Variants in CHD7 observed in about 807,000 individuals in gnomAD.
The protein encoded by CHD7 is chromodomain helicase DNA binding protein 7, also known as ATP-dependent chromatin remodeler CHD7.
CHD7 carries 24 observed loss-of-function variants against 307.3 expected under a neutral mutation model. That is an observed-to-expected ratio of 0.08 (90% CI 0.06 to 0.11). The LOEUF is 0.11. Ranked by LOEUF, CHD7 falls within the 10% of genes least tolerant of loss-of-function variation. The pLI is 1.00. For missense variants in CHD7, 3,106 were observed against 3,727.1 expected, an observed-to-expected ratio of 0.83 and a Z score of 4.34; for synonymous variants, 1,363 against 1,349.9, an observed-to-expected ratio of 1.01 and a Z score of -0.21.
intron 13 of CHD7, among the ~76,000 whole-genome samples, chr8:60,827,433 C>G (rs1804304549): frequency 6.6e-6 from 1 of 152,020 alleles, no homozygotes; most frequent in Non-Finnish European, 1.5e-5. Context: ...ACTGCAGTAA[C>G]TCTTTCCTGA....
Position 60,781,196 on chromosome 8 carries a change from C to T in CHD7, c.1862C>T (p.Pro621Leu), listed in dbSNP as rs1229088933. The T allele has an allele frequency of 6.2e-7, 1 of 1,602,384 alleles. No individual in the cohort carries two copies. The highest frequency in any genetic ancestry group is 1.1e-5 in the South Asian group (1 of 88,848). ...PSKGFGKDDF[P>L]GGVDNQELNR... ...AAAGGTTTTGGTAAAGATGACTTCC[C>T]TGGTGGGGTAGATAACCAAGAACTA... The change falls in exon 3 of 38, where the codon CCT (proline) becomes CTT (leucine). Residue 621 changes from proline (P) to leucine (L), a missense_variant. Pro to Leu is a moderately conservative substitution (Grantham distance 98). Coordinates refer to ENST00000423902, the MANE Select transcript of CHD7 (RefSeq NM_017780.4).
rs147477459 is a variant in CHD7, at chr8:60,811,728, CAT to C, written c.2498+3457_2498+3458del. ...GAGTTTACTAGATACAAAAGGCAAA[CAT>C]GTATGTATTTTTAAGAGATATTGCC... On this transcript the variant is annotated intron_variant, in intron 7 of 37. Coordinates refer to ENST00000423902, the MANE Select transcript of CHD7 (RefSeq NM_017780.4). Among the ~76,000 whole-genome samples, 1,173 of 152,218 alleles carry C rather than the reference CAT, an allele frequency of 7.7e-3. 13 individuals carry two copies. Among genetic ancestry groups the C allele is most frequent in the African/African-American group, 0.027 (1,113 of 41,516 alleles).
intron 2 of CHD7, among the ~76,000 whole-genome samples, chr8:60,770,390 G>A (rs1371322486): frequency 2.6e-5 from 4 of 152,168 alleles, no homozygotes; most frequent in Admixed American, 2.6e-4. Context: ...CAACACTGCT[G>A]TTTGTTTATT....
At chr8:60,695,512 T>C (rs564621688) in intron 1 of CHD7, among the ~76,000 whole-genome samples, 8 of 152,364 alleles carry the variant, frequency 5.3e-5, no homozygotes, top group African/African-American at 1.4e-4. Context: ...CATCTTAGCA[T>C]ACTTGACCTT....
intron 7 of CHD7, among the ~76,000 whole-genome samples, chr8:60,812,589 G>A (rs191615138): frequency 4.0e-5 from 6 of 151,046 alleles, no homozygotes; most frequent in East Asian, 3.9e-4. Context: ...GCTTGAACCC[G>A]GGAGGCAGAG....
intron 32 of CHD7, among the ~76,000 whole-genome samples, chr8:60,855,726 G>T (rs192096433): frequency 2.6e-5 from 4 of 152,324 alleles, no homozygotes; most frequent in Admixed American, 2.6e-4. Flanking sequence ...GTAGTTCAGT[G>T]TTCGTAATTA....
At position 60,837,018 on chromosome 8, in the gene CHD7, T is replaced by G; in HGVS notation, c.4185+6T>G. The G allele has an allele frequency of 1.9e-6, 3 of 1,603,194 alleles. No homozygotes were observed. Among genetic ancestry groups the G allele is most frequent in the Non-Finnish European group, 2.6e-6 (3 of 1,172,518 alleles). On this transcript the variant is annotated splice_donor_region_variant and intron_variant, in intron 17 of 37. Transcript: ENST00000423902. ...ATCCCCAAAATGACCTCCAGGTAAA[T>G]GCACAAGAAAGTCCTGATGCCTTTA...
rs1563560944 is a variant in CHD7 at position 60,742,336 on chromosome 8, CCTA to C, written c.908_910del (p.Thr303del). ...TTCTCGGAGCCAGACAGTCCCCTCT[CCTA>C]CTATAAACAACTCAGGGCAGTATTC... is the stretch of plus-strand genomic sequence containing the variant. On this transcript the variant is annotated inframe_deletion, in exon 2 of 38. Coordinates refer to ENST00000423902, the MANE Select transcript of CHD7 (RefSeq NM_017780.4). 4 of 1,613,992 alleles carry C rather than the reference CCTA, an allele frequency of 2.5e-6. No homozygotes were observed. In the South Asian group the frequency reaches 4.4e-5, roughly 18 times the overall value.
chr8:60,787,992 T>C (rs1043106537), intron 3 of CHD7, among the ~76,000 whole-genome samples: 1 of 152,006 alleles, frequency 6.6e-6, no homozygotes, highest in African/African-American at 2.4e-5. Context: ...CTGCTAATTT[T>C]TGTGTTTTTA....
chr8:60,860,189 T>C (rs1006107983), intron 34 of CHD7, among the ~76,000 whole-genome samples: 1 of 152,204 alleles, frequency 6.6e-6, no homozygotes, highest in East Asian at 1.9e-4. Context: ...TGCCCATAAG[T>C]TACATATAGA....
At position 60,861,073 on chromosome 8, in the gene CHD7, A is replaced by G; in HGVS notation, c.7778A>G (p.Glu2593Gly). Residue 2593 changes from glutamate to glycine, a missense_variant, in exon 35 of 38, where the codon GAA becomes GGA. Around this residue, in one of 10 missense-constraint regions of CHD7, gnomAD observed 1,030 missense variants for 1,165.4 expected, o/e 0.88. Transcript: ENST00000423902. ...GCTCCTAAAAATAAGGATTTAGTTG[A>G]ATGGCTGAAGCTGCACCCTACTTAC... ...EDAPKNKDLV[E>G]WLKLHPTYTV... 6.2e-7 allele frequency: 1 copy of G among 1,612,528 alleles called. No individual in the cohort carries two copies. Among genetic ancestry groups the G allele is most frequent in the Non-Finnish European group, 8.5e-7 (1 of 1,179,232 alleles).
At chr8:60,699,664 G>C (rs577100278) in intron 1 of CHD7, among the ~76,000 whole-genome samples, 4 of 152,046 alleles carry the variant, frequency 2.6e-5, no homozygotes, top group African/African-American at 7.2e-5. Context: ...AGAAGCTGTA[G>C]AAAATTATAA....
chr8:60,794,867 C>T (rs960220173), intron 3 of CHD7, 119 bp from the exon 4 acceptor site: 2 of 889,802 alleles, frequency 2.2e-6, no homozygotes, highest in African/African-American at 3.4e-5. Flanking sequence ...CTGTAAATAG[C>T]CAATATGTAT....
At chr8:60,757,169 A>G (rs1809941333) in intron 2 of CHD7, among the ~76,000 whole-genome samples, 1 of 152,140 alleles carries the variant, frequency 6.6e-6, no homozygotes, top group African/African-American at 2.4e-5. Flanking sequence ...TGTCCAGTGG[A>G]ATTTTCTGGG....
rs746037662 is a variant in CHD7 at position 60,853,205 on chromosome 8, T to G, written c.6480T>G (p.Ala2160=). ...AGACTCCTCCAGTCATCTCATCTGCTCATATTCAAGATGAGAGGGTACTGG... is the reference window on the plus strand; with the variant it reads ...AGACTCCTCCAGTCATCTCATCTGCGCATATTCAAGATGAGAGGGTACTGG... ...FVQTPPVISS[A]HIQDERVLEQ... Residue 2160 remains alanine (A), a synonymous_variant, in exon 31 of 38, where the codon GCT becomes GCG. Transcript: ENST00000423902. 1.4e-5 allele frequency: 22 copies of G among 1,613,710 alleles called. No homozygotes were observed. Among genetic ancestry groups the G allele is most frequent in the Middle Eastern group, 1.6e-4 (1 of 6,084 alleles).
chr8:60,849,590 G>A (rs1303092203), intron 25 of CHD7, among the ~76,000 whole-genome samples: 3 of 152,156 alleles, frequency 2.0e-5, no homozygotes, highest in African/African-American at 4.8e-5. Context: ...CTGAGAACTC[G>A]CGGCTCCCCT....
At chr8:60,846,509 C>G (rs1805217454) in intron 23 of CHD7, among the ~76,000 whole-genome samples, 1 of 152,186 alleles carries the variant, frequency 6.6e-6, no homozygotes, top group South Asian at 2.1e-4. Context: ...GTTCAGGCAA[C>G]AATGCTACTG....
At chr8:60,731,939 C>T (rs560494299) in intron 1 of CHD7, among the ~76,000 whole-genome samples, 1 of 152,328 alleles carries the variant, frequency 6.6e-6, no homozygotes, top group African/African-American at 2.4e-5. Flanking sequence ...CTGGAGCTCC[C>T]TGTGTGGCCC....
intron 35 of CHD7, 49 bp from the exon 36 acceptor site, chr8:60,862,147 G>T (rs754633186): frequency 1.3e-5 from 19 of 1,476,230 alleles, no homozygotes; most frequent in Non-Finnish European, 1.7e-5. Flanking sequence ...ATATAGAGAA[G>T]AATAAGTACT....
Sources: allele counts gnomAD v4.1 joint callset (sites outside exome capture counted in the v4.1 genomes callset), GRCh38; gene constraint gnomAD v4.1.1; regional missense constraint gnomAD v4.1.1; transcripts MANE v1.5; gene names NCBI Gene and HGNC (gene_info 2026-07-23, HGNC 2026-07-21).